The following CHD7 variants were observed in gnomAD, a reference collection of about 807,000 sequenced individuals.
CHD7 encodes ATP-dependent chromatin remodeler CHD7.
CHD7 carries 24 observed loss-of-function variants against 307.3 expected under a neutral mutation model. The ratio of observed to expected loss-of-function variants is 0.08; its 90% CI spans 0.06 to 0.11. The LOEUF is 0.11. Ranked by LOEUF, CHD7 falls within the 10% of genes least tolerant of loss-of-function variation. CHD7 has a pLI of 1.00. For missense variants in CHD7, 3,106 were observed against 3,727.1 expected (o/e 0.83, Z 4.34); for synonymous variants, 1,363 against 1,349.9 (o/e 1.01, Z -0.21).
In CHD7 at chr8:60,865,128, CGGCCGCCGCTGCTGT is replaced by C; in HGVS notation, c.8194_8208del (p.Ala2732_Ala2736del). The C allele has an allele frequency of 6.2e-7, 1 of 1,610,790 alleles. No individual in the cohort carries two copies. The highest frequency in any genetic ancestry group is 8.5e-7 in the Non-Finnish European group (1 of 1,178,726). On this transcript the variant is annotated inframe_deletion, in exon 38 of 38. Coordinates refer to ENST00000423902, the MANE Select transcript of CHD7 (RefSeq NM_017780.4). This position sits in a 1 kb window ranked among gnomAD's most constrained non-coding sequence, Gnocchi z 4.3. ...AAAAGTGAGATCGCCAGAGCAGCCG[CGGCCGCCGCTGCTGT>C]GGCCTCCACGTCAGGGATCAACCCT...
rs2150810339 is a variant in CHD7 at position 60,853,134 on chromosome 8, G to A, written c.6409G>A (p.Ala2137Thr). ...AHKNFAQNRG[A>T]GNTSSLNPLA... ...TAAAAACTTTGCTCAAAACAGAGGG[G>A]CAGGTAATACATCTTCCTTGAACCC... is the stretch of plus-strand genomic sequence containing the variant. Residue 2137 changes from alanine (A) to threonine (T), a missense_variant, in exon 31 of 38, where the codon GCA (alanine) becomes ACA (threonine). Transcript: ENST00000423902. 1 of 1,613,910 alleles carries A rather than the reference G, an allele frequency of 6.2e-7. No individual in the cohort carries two copies. The highest frequency in any genetic ancestry group is 8.5e-7 in the Non-Finnish European group (1 of 1,179,866).
chr8:60,691,963 G>A (rs1806216530), intron 1 of CHD7, among the ~76,000 whole-genome samples: 1 of 152,080 alleles, frequency 6.6e-6, no homozygotes, highest in Non-Finnish European at 1.5e-5. Flanking sequence ...CTCCACACGA[G>A]ATTTATTGAA....
intron 1 of CHD7, among the ~76,000 whole-genome samples, chr8:60,735,358 C>G (rs1808651975): frequency 6.6e-6 from 1 of 152,262 alleles, no homozygotes; most frequent in Non-Finnish European, 1.5e-5. Context: ...CTGTTAATAT[C>G]AGCAAAATGG....
At position 60,853,490 on chromosome 8, in the gene CHD7, C is replaced by T. The variant is rs781439889; in HGVS notation, c.6765C>T (p.Ser2255=). The T allele has an allele frequency of 3.3e-6, 5 of 1,512,594 alleles. No homozygotes were observed. The African/African-American group carries it at 4.2e-5, about 13-fold the overall frequency. 93.7% of individuals were successfully genotyped at this position (1,512,594 alleles called of 1,614,324 possible). Residue 2255 remains serine (S), a synonymous_variant, in exon 31 of 38, where the codon TCC becomes TCT. Transcript: ENST00000423902. ...ATGACGATAAGTCGGAAGAGTCTTC[C>T]CAGCCCGAAGGTAAGGCCTTACCAC... ...LEDDDKSEES[S]QPEAGAVSRG...
intron 15 of CHD7, among the ~76,000 whole-genome samples, chr8:60,831,887 C>T (rs1009469385): frequency 9.2e-5 from 14 of 152,102 alleles, no homozygotes; most frequent in Admixed American, 8.5e-4. Context: ...TGTAACTCAT[C>T]GGCCACCCTA....
intron 2 of CHD7, among the ~76,000 whole-genome samples, chr8:60,759,491 C>T (rs891146487): frequency 1.3e-5 from 2 of 150,536 alleles, no homozygotes; most frequent in Non-Finnish European, 3.0e-5. Context: ...CTCTCTCCCT[C>T]TCCCTCTCCC....
chr8:60,800,593 T>C, intron 5 of CHD7, 68 bp downstream of exon 5: 1 of 1,465,864 alleles, frequency 6.8e-7, no homozygotes. Flanking sequence ...ATTGCTGCAA[T>C]CTGAGAAGTG....
At chr8:60,700,063 C>G (rs920973187) in intron 1 of CHD7, among the ~76,000 whole-genome samples, 2 of 152,082 alleles carry the variant, frequency 1.3e-5, no homozygotes, top group African/African-American at 4.8e-5. Flanking sequence ...CTCTCGAACT[C>G]CCGACCTCAG....
At position 60,852,124 on chromosome 8, in the gene CHD7, A is replaced by C. The variant is rs769144470; in HGVS notation, c.5771A>C (p.Tyr1924Ser). The C allele has an allele frequency of 5.0e-6, 8 of 1,613,924 alleles. No individual in the cohort carries two copies. The highest frequency in any genetic ancestry group is 1.1e-5 in the South Asian group (1 of 91,092). ...RRLITAYQRS[Y>S]KRQQMRQEAL... ...CTCATTACTGCCTATCAGCGCAGCT[A>C]TAAAAGGCAACAGATGAGGCAAGAG... The change falls in exon 29 of 38, where the codon TAT becomes TCT. Residue 1924 changes from tyrosine to serine, a missense_variant. Coordinates refer to ENST00000423902, the MANE Select transcript of CHD7 (RefSeq NM_017780.4).
intron 15 of CHD7, among the ~76,000 whole-genome samples, chr8:60,833,602 A>G (rs1445078492): frequency 2.0e-5 from 3 of 152,208 alleles, no homozygotes; most frequent in African/African-American, 7.2e-5. Context: ...TACTGTCCCG[A>G]CAGTGACCAT....
intron 1 of CHD7, among the ~76,000 whole-genome samples, chr8:60,696,091 A>G (rs529250530): frequency 1.3e-5 from 2 of 152,250 alleles, no homozygotes; most frequent in Non-Finnish European, 2.9e-5. Flanking sequence ...TCATGCAGGC[A>G]CTGAAAATCA....
chr8:60,774,722 C>G (rs1295831419), intron 2 of CHD7, among the ~76,000 whole-genome samples: 3 of 152,212 alleles, frequency 2.0e-5, no homozygotes, highest in African/African-American at 7.2e-5. Flanking sequence ...GGAGCAAACA[C>G]CTTGCTCTCC....
At chr8:60,823,752 A>G in intron 12 of CHD7, 88 bp from the exon 13 acceptor site, 1 of 1,095,748 alleles carries the variant, frequency 9.1e-7, no homozygotes, top group Non-Finnish European at 1.4e-6. Flanking sequence ...CAAAGGGATA[A>G]ATACGTATGT....
chr8:60,782,820 C>T (rs1237638244), intron 3 of CHD7, among the ~76,000 whole-genome samples: 1 of 152,128 alleles, frequency 6.6e-6, no homozygotes, highest in East Asian at 1.9e-4. Flanking sequence ...GGAAGAAAGA[C>T]ATGGGTAGAA....
At chr8:60,850,975 C>T (rs1805427574) in intron 26 of CHD7, 57 bp from the exon 27 acceptor site, 3 of 1,256,876 alleles carry the variant, frequency 2.4e-6, no homozygotes, top group Middle Eastern at 2.0e-4. Flanking sequence ...ACCCACCCCC[C>T]TTCCTTCTTT....
chr8:60,847,119 A>G (rs1805244592), intron 23 of CHD7, among the ~76,000 whole-genome samples: 1 of 152,218 alleles, frequency 6.6e-6, no homozygotes, highest in East Asian at 1.9e-4. Context: ...GAAATGAGTT[A>G]TCCAAAGTGA....
At chr8:60,730,757 G>A (rs1183002191) in intron 1 of CHD7, among the ~76,000 whole-genome samples, 1 of 152,082 alleles carries the variant, frequency 6.6e-6, no homozygotes, top group Admixed American at 6.5e-5. Context: ...CTACTTGGGA[G>A]GCTGAGGCAG....
At position 60,741,305 on chromosome 8, in the gene CHD7, A is replaced by C; in HGVS notation, c.-128A>C. ...TGACACTGCAGGGTCCAAGAGAATT[A>C]AAGAAATATGGAATGACATGAAGAA... On this transcript the variant is annotated 5_prime_UTR_variant, in exon 2 of 38. Transcript: ENST00000423902. The C allele has an allele frequency of 1.4e-6, 1 of 739,348 alleles. No individual in the cohort carries two copies. The highest frequency in any genetic ancestry group is 2.2e-6 in the Non-Finnish European group (1 of 451,452). The allele number at this position is 739,348 out of a possible 1,614,324, so 45.8% of individuals were successfully genotyped here.
intron 3 of CHD7, among the ~76,000 whole-genome samples, chr8:60,783,586 G>A (rs142441545): frequency 6.6e-6 from 1 of 152,316 alleles, no homozygotes; most frequent in East Asian, 1.9e-4. Context: ...CTGAAAAAGT[G>A]TCTAGTACCT....
Sources: allele counts gnomAD v4.1 joint callset (sites outside exome capture counted in the v4.1 genomes callset), GRCh38; gene constraint gnomAD v4.1.1; non-coding constraint Gnocchi (gnomAD v3.1); transcripts MANE v1.5; gene names NCBI Gene and HGNC (gene_info 2026-07-23, HGNC 2026-07-21).